The following ETV1 variants were observed in gnomAD, a reference collection of about 807,000 sequenced individuals.
ETV1 encodes ETS translocation variant 1.
Under a neutral mutation model 62.3 loss-of-function variants are expected in ETV1, and 27 were observed. The observed-to-expected ratio is 0.43, with a 90% CI of 0.32 to 0.60. The LOEUF (loss-of-function observed/expected upper bound fraction) is 0.60. ETV1 is among the 20% of genes least tolerant of loss of function. The pLI, the probability that ETV1 is intolerant of heterozygous loss-of-function variation, is 0.06. For missense variants in ETV1, 605 were observed against 605.8 expected (o/e 1.00, Z 0.01); for synonymous variants, 222 against 199.6 (o/e 1.11, Z -0.94).
intron 6 of ETV1, among the ~76,000 whole-genome samples, chr7:13,957,187 G>A (rs1562678087): frequency 6.6e-6 from 1 of 151,974 alleles, no homozygotes; most frequent in Admixed American, 6.6e-5. Flanking sequence ...CCAGGTTTAC[G>A]CCATTCTCCT....
rs749957333 is a variant in ETV1, at chr7:13,906,471, T to A, written c.1069A>T (p.Thr357Ser). The A allele has an allele frequency of 6.2e-7, 1 of 1,609,956 alleles. No individual in the cohort carries two copies. Among genetic ancestry groups the A allele is most frequent in the Non-Finnish European group, 8.5e-7 (1 of 1,178,062 alleles). The stretch of plus-strand genomic sequence containing the variant: ...AGTTTAAATTCCATGCCTCGACCAG[T>A]CCAGGCAATAAAATGAGAATTTGAA... ...DPSNSHFIAW[T>S]GRGMEFKLIE... is the part of the protein sequence containing the mutation. Residue 357 changes from threonine to serine, a missense_variant, in exon 12 of 14, where the codon ACT (threonine) becomes TCT (serine). By Grantham distance (58) the Thr-to-Ser change is moderately conservative. Transcript: ENST00000430479.
rs779937870 is a variant in ETV1, at chr7:13,931,744, C to A, written c.560G>T (p.Arg187Leu). Residue 187 changes from arginine to leucine, a missense_variant, in exon 9 of 14, where the codon CGC becomes CTC. Around this residue, in one of 3 missense-constraint regions of ETV1, gnomAD observed 426 missense variants for 377.8 expected, o/e 1.13. Coordinates refer to ENST00000430479, the MANE Select transcript of ETV1 (RefSeq NM_004956.5). ...DSSYPMDHRF[R>L]RQLSEPCNSF... The stretch of plus-strand genomic sequence containing the variant: ...GTTACAGGGTTCAGAAAGCTGGCGG[C>A]GAAATCTAGGGAATAAGAGAGTGTG... 1 of 1,613,768 alleles carries A rather than the reference C, an allele frequency of 6.2e-7. No homozygotes were observed. Among genetic ancestry groups the A allele is most frequent in the Non-Finnish European group, 8.5e-7 (1 of 1,179,792 alleles).
Position 13,948,977 on chromosome 7 carries a change from A to G in ETV1, c.236-9731T>C, listed in dbSNP as rs529145086. On this transcript the variant is annotated intron_variant, in intron 6 of 13. Transcript: ENST00000430479. ...TGATTAAAAAAATGACACAAAATTG[A>G]GACTAAAACTACAAATTTATGTGCT... Among the ~76,000 whole-genome samples, 8 of 152,318 alleles carry G rather than the reference A, an allele frequency of 5.3e-5. No homozygotes were observed. The East Asian group carries it at 1.5e-3, about 30-fold the overall frequency.
intron 12 of ETV1, among the ~76,000 whole-genome samples, chr7:13,901,629 A>G (rs1243574268): frequency 6.6e-6 from 1 of 152,220 alleles, no homozygotes; most frequent in East Asian, 1.9e-4. Context: ...TGAACAAGTG[A>G]CAATGTGTGT....
chr7:13,936,059 A>G (rs1786775969), intron 7 of ETV1, among the ~76,000 whole-genome samples, 163 bp from the exon 8 acceptor site: 1 of 152,240 alleles, frequency 6.6e-6, no homozygotes, highest in Admixed American at 6.5e-5. Context: ...ATAAACTTCA[A>G]AATCACAACA....
Position 13,963,875 on chromosome 7 carries a change from G to A in ETV1, c.235+13552C>T, listed in dbSNP as rs371093671. ...TTTATCACAAAATGGGATGACTGAC[G>A]TTTATTGATTAGCTGATAACTTTCT... On this transcript the variant is annotated intron_variant, in intron 6 of 13. Transcript: ENST00000430479. Among the ~76,000 whole-genome samples, 9 of 152,240 alleles carry A rather than the reference G, an allele frequency of 5.9e-5. No individual in the cohort carries two copies. The East Asian group carries it at 1.5e-3, about 26-fold the overall frequency.
At chr7:13,910,969 T>C (rs1205509058) in intron 10 of ETV1, among the ~76,000 whole-genome samples, 3 of 152,182 alleles carry the variant, frequency 2.0e-5, no homozygotes, top group Non-Finnish European at 2.9e-5. Flanking sequence ...ATAAAGCATA[T>C]GTTCTATTTT....
At chr7:13,917,325 T>TATTG (rs1784289416) in intron 9 of ETV1, among the ~76,000 whole-genome samples, 1 of 148,638 alleles carries the variant, frequency 6.7e-6, no homozygotes, top group South Asian at 2.1e-4. Context: ...TTTATTTATT[T>TATTG]ATTTATTTTG....
At chr7:13,963,550 T>C (rs1033699039) in intron 6 of ETV1, among the ~76,000 whole-genome samples, 14 of 151,060 alleles carry the variant, frequency 9.3e-5, no homozygotes, top group Non-Finnish European at 1.6e-4. Flanking sequence ...AAAAACTTCA[T>C]GCACACACAC....
At chr7:13,963,374 T>C (rs2128485322) in intron 6 of ETV1, among the ~76,000 whole-genome samples, 1 of 151,870 alleles carries the variant, frequency 6.6e-6, no homozygotes, top group East Asian at 1.9e-4. Flanking sequence ...ACCTAAAGAG[T>C]CTAAAACTGC....
At chr7:13,945,787 AGGC>A (rs1788092007) in intron 6 of ETV1, among the ~76,000 whole-genome samples, 3 of 152,224 alleles carry the variant, frequency 2.0e-5, no homozygotes, top group Non-Finnish European at 4.4e-5. Flanking sequence ...TCATTGGCAC[AGGC>A]ACAAGCGAAA....
chr7:13,943,870 T>C (rs1413041994), intron 6 of ETV1, among the ~76,000 whole-genome samples: 1 of 152,082 alleles, frequency 6.6e-6, no homozygotes, highest in East Asian at 1.9e-4. Context: ...CAATATAAAG[T>C]TTAAAAAACT....
intron 12 of ETV1, among the ~76,000 whole-genome samples, chr7:13,903,350 C>A (rs567122879): frequency 4.5e-4 from 69 of 152,288 alleles, no homozygotes; most frequent in Non-Finnish European, 6.2e-4. Context: ...TAACACTGAA[C>A]CTGATAACAA....
At chr7:13,939,835 A>G (rs914612784) in intron 6 of ETV1, among the ~76,000 whole-genome samples, 3 of 152,230 alleles carry the variant, frequency 2.0e-5, no homozygotes, top group Non-Finnish European at 4.4e-5. Flanking sequence ...TCTAATTACC[A>G]GAACTGTGAA....
chr7:13,958,433 C>A (rs1789743206), intron 6 of ETV1, among the ~76,000 whole-genome samples: 1 of 152,144 alleles, frequency 6.6e-6, no homozygotes, highest in African/African-American at 2.4e-5. Context: ...GCAATTAATA[C>A]CTGGTCTTGT....
chr7:13,971,146 G>C (rs1780866156), intron 6 of ETV1, among the ~76,000 whole-genome samples: 2 of 151,822 alleles, frequency 1.3e-5, no homozygotes, highest in African/African-American at 4.8e-5. Flanking sequence ...TAATTTTGTA[G>C]TTTTAGTAGA....
At chr7:13,957,616 T>C (rs1362027249) in intron 6 of ETV1, among the ~76,000 whole-genome samples, 2 of 152,242 alleles carry the variant, frequency 1.3e-5, no homozygotes, top group African/African-American at 2.4e-5. Flanking sequence ...TCTTATTTTA[T>C]TTTCTGCATT....
At position 13,895,898 on chromosome 7, in the gene ETV1, G is replaced by A; in HGVS notation, c.1402C>T (p.Pro468Ser). ...AYMPEGGCCN[P>S]HPYNEGYVY is the part of the protein sequence containing the mutation. ...ACGTAGCCTTCGTTGTAGGGGTGGG[G>A]GTTGCAGCAGCCCCCTTCCGGCATG... The change falls in exon 14 of 14, where the codon CCC (proline) becomes TCC (serine). Residue 468 changes from proline (P) to serine (S), a missense_variant. By Grantham distance (74) the Pro-to-Ser change is moderately conservative. Transcript: ENST00000430479. 6.2e-7 allele frequency: 1 copy of A among 1,613,718 alleles called. No homozygotes were observed. Among genetic ancestry groups the A allele is most frequent in the Non-Finnish European group, 8.5e-7 (1 of 1,179,812 alleles).
chr7:13,947,302 T>C (rs1788276931), intron 6 of ETV1, among the ~76,000 whole-genome samples: 1 of 150,538 alleles, frequency 6.6e-6, no homozygotes, highest in Admixed American at 6.7e-5. Context: ...ACAAAGATAA[T>C]ATGTTTAAGT....
Sources: allele counts gnomAD v4.1 joint callset (sites outside exome capture counted in the v4.1 genomes callset), GRCh38; gene constraint gnomAD v4.1.1; regional missense constraint gnomAD v4.1.1; transcripts MANE v1.5; gene names NCBI Gene and HGNC (gene_info 2026-07-23, HGNC 2026-07-21).